Variants in SYTL2 observed in about 807,000 individuals in gnomAD.
SYTL2 encodes the protein synaptotagmin like 2.
A neutral mutation model predicts 198.7 loss-of-function variants in SYTL2; 165 were observed. The observed-to-expected ratio is 0.83, with a 90% CI of 0.73 to 0.94. The LOEUF is 0.94. SYTL2 is among the 40% of genes least tolerant of loss of function. SYTL2 has a pLI of 0.00. For synonymous variants in SYTL2, 966 were observed against 917.7 expected (o/e 1.05, Z -0.95); for missense variants, 2,835 against 2,582.8 (o/e 1.10, Z -2.12).
At position 85,752,938 on chromosome 11, in the gene SYTL2, A is replaced by AC. The variant is rs2091615146; in HGVS notation, c.102-4516_102-4515insG. Among the ~76,000 whole-genome samples the AC allele has an allele frequency of 7.0e-5, 10 of 143,636 alleles. No individual in the cohort carries two copies. The South Asian group carries it at 2.3e-3, about 34-fold the overall frequency. The allele number at this position is 143,636 out of a possible 152,430, so 94.2% of individuals were successfully genotyped here. ...TCATTAAAAAAAAAAAAAAAAAAAA[A>AC]AAAAAAAAAAAAACACAACTAGGTC... On this transcript the variant is annotated intron_variant, in intron 2 of 19. Transcript: ENST00000359152.
chr11:85,711,765 A>T lies in SYTL2; in HGVS notation c.5626-533T>A, dbSNP rs78809538. On this transcript the variant is annotated intron_variant, in intron 12 of 19. Transcript: ENST00000359152. ...TTTCAACTCAAGGCCATATATATAT[A>T]TTTTTTAATGTTTAAAATTTTTAAA... 8.0e-3 allele frequency among the ~76,000 whole-genome samples: 1,219 copies of T among 152,056 alleles called. 9 individuals are homozygous for T. Among genetic ancestry groups the T allele is most frequent in the African/African-American group, 0.019 (808 of 41,496 alleles).
rs1260001905 is a variant in SYTL2 at position 85,734,167 on chromosome 11, T to C, written c.1162A>G (p.Arg388Gly). ...GATTGATGAAAAAGCGAAGGCTTTC[T>C]GTATTGAGAAGGCTTAGGGTCACTC... is the stretch of plus-strand genomic sequence containing the variant. ...FQSDPKPSQY[R>G]KPSLFHQSTS... The change falls in exon 7 of 20, where the codon AGA becomes GGA. Residue 388 changes from arginine to glycine, a missense_variant. Coordinates refer to ENST00000359152, the MANE Select transcript of SYTL2 (RefSeq NM_206927.4). The C allele has an allele frequency of 6.2e-7, 1 of 1,614,228 alleles. No individual in the cohort carries two copies. The highest frequency in any genetic ancestry group is 1.7e-5 in the Admixed American group (1 of 60,034).
intron 1 of SYTL2, among the ~76,000 whole-genome samples, chr11:85,772,087 A>G (rs1300382203): frequency 6.6e-6 from 1 of 152,082 alleles, no homozygotes; most frequent in Non-Finnish European, 1.5e-5. Context: ...ATTTTTTGGT[A>G]GAGACAAGGT....
At position 85,724,672 on chromosome 11, in the gene SYTL2, A is replaced by C. The variant is rs775680952; in HGVS notation, c.4686T>G (p.Ser1562Arg). 1 of 1,613,880 alleles carries C rather than the reference A, an allele frequency of 6.2e-7. No homozygotes were observed. Among genetic ancestry groups the C allele is most frequent in the South Asian group, 1.1e-5 (1 of 91,054 alleles). ...EKAEAPLITESAFDAGFEKLL... is the reference protein window; with the variant it reads ...EKAEAPLITERAFDAGFEKLL... ...GTTTCTCAAAACCAGCATCAAAAGC[A>C]CTCTCAGTTATTAACGGAGCCTCGG... Residue 1562 changes from serine (S) to arginine (R), a missense_variant, in exon 8 of 20, where the codon AGT becomes AGG. Ser to Arg is a moderately radical substitution (Grantham distance 110). This residue lies in a region of SYTL2 where 2,645 missense variants were observed against 2,381.7 expected (regional missense o/e 1.11). Coordinates refer to ENST00000359152, the MANE Select transcript of SYTL2 (RefSeq NM_206927.4).
In SYTL2 at chr11:85,703,601, C is replaced by A. The variant is rs140174830; in HGVS notation, c.6189+1257G>T. The stretch of plus-strand genomic sequence containing the variant: ...ATAATCTGTTGCCAGGAGATATTCA[C>A]TAAGAGTAAAACTAAAGGAGAGTCT... On this transcript the variant is annotated intron_variant, in intron 16 of 19. Coordinates refer to ENST00000359152, the MANE Select transcript of SYTL2 (RefSeq NM_206927.4). 1.7e-3 allele frequency among the ~76,000 whole-genome samples: 252 copies of A among 152,182 alleles called. 1 individual carries two copies. The highest frequency in any genetic ancestry group is 0.012 in the East Asian group (62 of 5,174).
the SYTL2 span, among the ~76,000 whole-genome samples, chr11:85,851,626 A>T: frequency 6.6e-6 from 1 of 152,234 alleles, no homozygotes; most frequent in Non-Finnish European, 1.5e-5. Context: ...CTTCACACTG[A>T]CCACCAACTG....
At chr11:85,798,864 C>T (rs2092842639) in intron 1 of SYTL2, among the ~76,000 whole-genome samples, 1 of 152,166 alleles carries the variant, frequency 6.6e-6, no homozygotes, top group Non-Finnish European at 1.5e-5. Flanking sequence ...AGAAGAAAAG[C>T]AGGTGCTCGG....
intron 2 of SYTL2, among the ~76,000 whole-genome samples, chr11:85,755,146 T>G (rs945671474): frequency 3.9e-5 from 6 of 152,160 alleles, no homozygotes; most frequent in Non-Finnish European, 8.8e-5. Context: ...AGAGATCCAG[T>G]TCTGGTTCCA....
chr11:85,814,188 G>A (rs1175058352), upstream of SYTL2, among the ~76,000 whole-genome samples: 2 of 152,214 alleles, frequency 1.3e-5, no homozygotes, highest in East Asian at 3.9e-4. Context: ...TATAGTTTTT[G>A]GAAAGAATAA....
At chr11:85,731,802 C>A (rs1175565282) in intron 7 of SYTL2, among the ~76,000 whole-genome samples, 1 of 152,254 alleles carries the variant, frequency 6.6e-6, no homozygotes, top group Admixed American at 6.5e-5. Context: ...AGGCAACCTA[C>A]AGAATGGGAG....
At chr11:85,745,811 C>A in intron 3 of SYTL2, 39 bp from the exon 4 acceptor site, 1 of 1,582,264 alleles carries the variant, frequency 6.3e-7, no homozygotes, top group Non-Finnish European at 8.6e-7. Context: ...GGTTATCTCT[C>A]ACCTCCATGA....
rs749845053 is a variant in SYTL2, at chr11:85,720,951, C to G, written c.5335G>C (p.Glu1779Gln). The G allele has an allele frequency of 3.7e-6, 6 of 1,608,142 alleles. No individual in the cohort carries two copies. The Admixed American group carries it at 1.0e-4, about 27-fold the overall frequency. ...ESWRNPSSSE[E>Q]EPSPVLKTLE... is the part of the protein sequence containing the mutation. ...GTTTTCAAAACAGGACTGGGTTCTT[C>G]TTCTGAACCTGTTATAAAACAAAAT... The change falls in exon 9 of 20, where the codon GAA becomes CAA. Residue 1779 changes from glutamate to glutamine, a missense_variant. Physicochemically the swap from Glu to Gln is conservative, Grantham distance 29. Around this residue, in one of 3 missense-constraint regions of SYTL2, gnomAD observed 2,645 missense variants for 2,381.7 expected, o/e 1.11. Coordinates refer to ENST00000359152, the MANE Select transcript of SYTL2 (RefSeq NM_206927.4).
At chr11:85,768,525 T>C (rs941983603) in intron 1 of SYTL2, among the ~76,000 whole-genome samples, 2 of 152,168 alleles carry the variant, frequency 1.3e-5, no homozygotes, top group Non-Finnish European at 2.9e-5. Flanking sequence ...AAGTGCTCCA[T>C]AAACACCTAA....
intron 10 of SYTL2, 129 bp downstream of exon 10, chr11:85,718,661 T>C: frequency 1.4e-6 from 1 of 734,006 alleles, no homozygotes; most frequent in South Asian, 1.7e-5. Flanking sequence ...TATAGTAACT[T>C]AGGCACTATT....
At chr11:85,846,368 A>G in the SYTL2 span, among the ~76,000 whole-genome samples, 1 of 152,136 alleles carries the variant, frequency 6.6e-6, no homozygotes, top group Admixed American at 6.5e-5. Flanking sequence ...CAGAGATGCC[A>G]CCTCTTGAAG....
rs189538864 is a variant in SYTL2 at position 85,708,940 on chromosome 11, G to A, written c.5915+391C>T. Among the ~76,000 whole-genome samples, 892 of 133,552 alleles carry A rather than the reference G, an allele frequency of 6.7e-3. 3 individuals carry two copies. The highest frequency in any genetic ancestry group is 9.5e-3 in the Non-Finnish European group (623 of 65,738). 87.6% of individuals were successfully genotyped at this position (133,552 alleles called of 152,430 possible). On this transcript the variant is annotated intron_variant, in intron 14 of 19. Coordinates refer to ENST00000359152, the MANE Select transcript of SYTL2 (RefSeq NM_206927.4). Reference sequence around the variant, plus strand: ...AGCTCACTGCAAGCTCCGCCTCCTCGCCATTCTCCTGCCTCAGCCTCCCGA... The same window carrying A: ...AGCTCACTGCAAGCTCCGCCTCCTCACCATTCTCCTGCCTCAGCCTCCCGA...
intron 1 of SYTL2, among the ~76,000 whole-genome samples, chr11:85,766,238 A>G (rs2092234881): frequency 6.6e-6 from 1 of 152,200 alleles, no homozygotes; most frequent in Non-Finnish European, 1.5e-5. Context: ...TGAATTTTTC[A>G]TGCTTGCCAG....
chr11:85,842,579 C>T, the SYTL2 span, among the ~76,000 whole-genome samples: 3 of 152,212 alleles, frequency 2.0e-5, no homozygotes, highest in South Asian at 2.1e-4. Context: ...CTTTCTAAGA[C>T]TCCCTCCCTA....
chr11:85,800,439 C>A (rs1388251151), intron 1 of SYTL2, among the ~76,000 whole-genome samples: 1 of 128,574 alleles, frequency 7.8e-6, no homozygotes, highest in East Asian at 2.2e-4. Flanking sequence ...ACATGCCCTG[C>A]TAATTTTTTT....
Sources: gnomAD v4.1 joint callset for allele counts (sites outside exome capture counted in the v4.1 genomes callset) on GRCh38, gnomAD v4.1.1 for gene constraint, gnomAD v4.1.1 regional missense constraint, MANE v1.5 for transcripts, NCBI Gene and HGNC (gene_info 2026-07-23, HGNC 2026-07-21) for gene names.